Variants in RAP1A observed in about 807,000 individuals in gnomAD.
RAP1A encodes the protein ras-related protein Rap-1A.
RAP1A carries 6 observed loss-of-function variants against 26.4 expected under a neutral mutation model. The ratio of observed to expected loss-of-function variants is 0.23; its 90% CI spans 0.12 to 0.45. The LOEUF (loss-of-function observed/expected upper bound fraction) is 0.45. RAP1A is among the 20% of genes least tolerant of loss of function. The pLI is 0.99. For synonymous variants in RAP1A, 73 were observed against 79.4 expected (o/e 0.92, Z 0.43); for missense variants, 121 against 217.2 (o/e 0.56, Z 2.78).
At chr1:111,613,132 T>C (rs1315913644) in intron 1 of RAP1A, among the ~76,000 whole-genome samples, 2 of 151,198 alleles carry the variant, frequency 1.3e-5, no homozygotes. Flanking sequence ...TAGATAGCGC[T>C]TTTTTGGTGA....
chr1:111,571,743 G>A (rs1658052703), intron 1 of RAP1A, among the ~76,000 whole-genome samples: 1 of 152,154 alleles, frequency 6.6e-6, no homozygotes, highest in South Asian at 2.1e-4. Context: ...GAAAGATTAT[G>A]GGAAACCCTT....
chr1:111,564,781 G>A (rs1256679587), intron 1 of RAP1A, among the ~76,000 whole-genome samples: 1 of 151,392 alleles, frequency 6.6e-6, no homozygotes, highest in Admixed American at 6.6e-5. Flanking sequence ...CAAAGTGCTA[G>A]GATTACAGGC....
intron 1 of RAP1A, among the ~76,000 whole-genome samples, chr1:111,688,818 T>TTG (rs1553226381): frequency 4.1e-5 from 3 of 73,564 alleles, no homozygotes; most frequent in Admixed American, 1.4e-4. Context: ...GTTTTTTTTT[T>TTG]TTTGTTTTTT....
intron 1 of RAP1A, among the ~76,000 whole-genome samples, chr1:111,682,046 A>C (rs1371013371): frequency 6.6e-6 from 1 of 152,144 alleles, no homozygotes; most frequent in Non-Finnish European, 1.5e-5. Flanking sequence ...AGTATTCAGC[A>C]TTCTTAAAAC....
At chr1:111,592,321 T>C (rs1408012113) in intron 1 of RAP1A, among the ~76,000 whole-genome samples, 2 of 152,076 alleles carry the variant, frequency 1.3e-5, no homozygotes, top group African/African-American at 4.8e-5. Context: ...TGTTCACCAA[T>C]CTCCTGGCTG....
At chr1:111,607,641 G>A (rs1172856613) in intron 1 of RAP1A, among the ~76,000 whole-genome samples, 7 of 146,928 alleles carry the variant, frequency 4.8e-5, no homozygotes, top group Non-Finnish European at 7.5e-5. Context: ...CGGGCGGGGG[G>A]CTGACCCCGC....
intron 1 of RAP1A, among the ~76,000 whole-genome samples, chr1:111,554,041 G>A (rs999091365): frequency 3.9e-5 from 6 of 152,354 alleles, no homozygotes; most frequent in East Asian, 3.9e-4. Flanking sequence ...GAATGGTTAC[G>A]TGCATATGCA....
At chr1:111,555,362 T>TAAAAAAAAAAAAAAAAAAAAAAA (rs397981230) in intron 1 of RAP1A, among the ~76,000 whole-genome samples, 2 of 47,640 alleles carry the variant, frequency 4.2e-5, no homozygotes, top group African/African-American at 2.4e-4. Context: ...TGAGACTCTG[T>TAAAAAAAAAAAAAAAAAAAAAAA]AAAAAAAAAA....
intron 5 of RAP1A, 97 bp from the exon 6 acceptor site, chr1:111,704,246 G>T: frequency 1.6e-6 from 2 of 1,250,034 alleles, no homozygotes; most frequent in Non-Finnish European, 1.1e-6. Flanking sequence ...CCCAACTAAT[G>T]CATTTCAGTT....
intron 4 of RAP1A, among the ~76,000 whole-genome samples, chr1:111,702,263 CAT>C (rs1662043133): frequency 1.3e-5 from 2 of 152,200 alleles, no homozygotes; most frequent in South Asian, 4.1e-4. Flanking sequence ...AGACCCAAGA[CAT>C]ACACATTTTT....
intron 1 of RAP1A, among the ~76,000 whole-genome samples, chr1:111,563,424 C>T (rs74940575): frequency 0.032 from 4,892 of 152,298 alleles, 151 homozygotes; most frequent in African/African-American, 0.079. Context: ...GATGTGGCTC[C>T]TTAAGTTCTC....
At chr1:111,691,647 C>T (rs1163556921) in intron 2 of RAP1A, among the ~76,000 whole-genome samples, 2 of 152,134 alleles carry the variant, frequency 1.3e-5, no homozygotes, top group Admixed American at 6.5e-5. Context: ...TCTTATATGT[C>T]AAGCACCAGT....
In RAP1A at chr1:111,716,274, C is replaced by T. The variant is rs1450668256; in HGVS notation, c.*3873C>T. 1.3e-5 allele frequency: 2 copies of T among 152,202 alleles called. No individual in the cohort carries two copies. The highest frequency in any genetic ancestry group is 3.9e-4 in the East Asian group (2 of 5,180). The allele number at this position is 152,202 out of a possible 1,614,324, so 9.4% of individuals were successfully genotyped here. The stretch of plus-strand genomic sequence containing the variant: ...GTGAGCTTTGAGGCGGTCTAACTAC[C>T]CAGCTTTTAGTATTTATGTTCCCCA... On this transcript the variant is annotated 3_prime_UTR_variant, in exon 8 of 8. Coordinates refer to ENST00000369709, the MANE Select transcript of RAP1A (RefSeq NM_002884.4).
At chr1:111,549,069 A>G (rs1657146930) in intron 1 of RAP1A, among the ~76,000 whole-genome samples, 1 of 152,166 alleles carries the variant, frequency 6.6e-6, no homozygotes, top group South Asian at 2.1e-4. Flanking sequence ...ATGCTACTGA[A>G]GTCAATTTGT....
chr1:111,657,074 A>C (rs1178440294), intron 1 of RAP1A, among the ~76,000 whole-genome samples: 1 of 151,694 alleles, frequency 6.6e-6, no homozygotes, highest in Non-Finnish European at 1.5e-5. Flanking sequence ...TAGGTACTTC[A>C]TATAAGTGGA....
chr1:111,670,200 A>G (rs987784765), intron 1 of RAP1A, among the ~76,000 whole-genome samples: 1 of 152,146 alleles, frequency 6.6e-6, no homozygotes, highest in South Asian at 2.1e-4. Context: ...TCCCAGGCGC[A>G]TTGGTGCATT....
chr1:111,646,345 G>C (rs1338816390), intron 1 of RAP1A, among the ~76,000 whole-genome samples: 1 of 150,236 alleles, frequency 6.7e-6, no homozygotes, highest in African/African-American at 2.5e-5. Flanking sequence ...GCCAATTAGA[G>C]CTAGTGATGT....
intron 1 of RAP1A, chr1:111,627,602 G>T (rs57368303): frequency 6.6e-6 from 1 of 151,950 alleles, no homozygotes; most frequent in Admixed American, 6.6e-5. Context: ...ATAGATATCT[G>T]TTACATTCTT....
intron 1 of RAP1A, among the ~76,000 whole-genome samples, chr1:111,673,622 C>T (rs1661040469): frequency 6.6e-6 from 1 of 152,156 alleles, no homozygotes; most frequent in African/African-American, 2.4e-5. Flanking sequence ...TTATTCCTGT[C>T]TTCCATATTT....
Sources: allele counts gnomAD v4.1 joint callset (sites outside exome capture counted in the v4.1 genomes callset), GRCh38; gene constraint gnomAD v4.1.1; transcripts MANE v1.5; gene names NCBI Gene and HGNC (gene_info 2026-07-23, HGNC 2026-07-21).